CFAP65: variants seen among roughly 807,000 people sequenced by gnomAD.
CFAP65 encodes cilia and flagella associated protein 65.
CFAP65 carries 155 observed loss-of-function variants against 208.0 expected under a neutral mutation model. That is an observed-to-expected ratio of 0.75 (90% CI 0.65 to 0.85). CFAP65 has a LOEUF of 0.85. Ranked by LOEUF, CFAP65 falls within the 40% of genes least tolerant of loss-of-function variation. The pLI, the probability that CFAP65 is intolerant of heterozygous loss-of-function variation, is 0.00. For missense variants in CFAP65, 2,294 were observed against 2,451.3 expected (o/e 0.94, Z 1.36); for synonymous variants, 970 against 986.3 (o/e 0.98, Z 0.31).
At position 219,003,841 on chromosome 2, in the gene CFAP65, A is replaced by C. The variant is rs777575036; in HGVS notation, c.5555+111T>G. 56 of 1,337,894 alleles carry C rather than the reference A, an allele frequency of 4.2e-5. No individual in the cohort carries two copies. The highest frequency in any genetic ancestry group is 5.7e-5 in the Non-Finnish European group (55 of 969,438). The allele number at this position is 1,337,894 out of a possible 1,614,324, so 82.9% of individuals were successfully genotyped here. A position where few individuals can be genotyped will look rare whatever the true frequency, so the allele number is the denominator to read the frequency against. Reference sequence around the variant, plus strand: ...CCAACATGACCTCACTAAGCACTGAATTAGGATGAGATGTGCATACAGGCA... The same window carrying C: ...CCAACATGACCTCACTAAGCACTGACTTAGGATGAGATGTGCATACAGGCA... On this transcript the variant is annotated intron_variant, in intron 33 of 34. Coordinates refer to ENST00000341552, the MANE Select transcript of CFAP65 (RefSeq NM_194302.4). The surrounding 1 kb of genome is among the most constrained non-coding windows in gnomAD (Gnocchi z 4.4).
chr2:219,009,007 G>A (rs907861580), intron 29 of CFAP65, 40 bp downstream of exon 29: 15 of 1,551,470 alleles, frequency 9.7e-6, no homozygotes, highest in Non-Finnish European at 1.3e-5. Context: ...AGGCCAGTCA[G>A]AAAGATCTGG....
In CFAP65 at chr2:219,004,467, G is replaced by A. The variant is rs1028975122; in HGVS notation, c.5052-12C>T. On this transcript the variant is annotated splice_polypyrimidine_tract_variant and intron_variant, in intron 32 of 34. Transcript: ENST00000341552. This position sits in a 1 kb window ranked among gnomAD's most constrained non-coding sequence, Gnocchi z 4.7. ...CTTCCAGCAGGCCCCTAGGTGGCAG[G>A]GAGAAGGAGAAGGCCCTTGCTGAGG... 6 of 1,590,800 alleles carry A rather than the reference G, an allele frequency of 3.8e-6. No homozygotes were observed. The East Asian group carries it at 1.1e-4, about 30-fold the overall frequency.
rs781755160 is a variant in CFAP65, at chr2:219,019,668, A to T, written c.3311T>A (p.Val1104Glu). 6.2e-7 allele frequency: 1 copy of T among 1,613,680 alleles called. No individual in the cohort carries two copies. Among genetic ancestry groups the T allele is most frequent in the Non-Finnish European group, 8.5e-7 (1 of 1,180,026 alleles). Residue 1104 changes from valine to glutamate, a missense_variant, in exon 20 of 35, where the codon GTG becomes GAG. Physicochemically the swap from Val to Glu is moderately radical, Grantham distance 121 (BLOSUM62 -2). Transcript: ENST00000341552. ...ATCCAGGATGGAAAGCAAGGGGTACACGGCCACCAGGGAGACGCAGCACAG... is the reference window on the plus strand; with the variant it reads ...ATCCAGGATGGAAAGCAAGGGGTACTCGGCCACCAGGGAGACGCAGCACAG... The part of the protein sequence containing the change: ...QELCCVSLVA[V>E]YPLLSILDVS...
intron 14 of CFAP65, among the ~76,000 whole-genome samples, chr2:219,024,486 CAGG>C (rs1458302639): frequency 1.2e-4 from 1 of 8,292 alleles, no homozygotes; most frequent in African/African-American, 1.0e-3. Context: ...GGGGGGGGGG[CAGG>C]GGGGCGGGGG....
intron 2 of CFAP65, 136 bp downstream of exon 2, chr2:219,040,383 G>C (rs1948596861): frequency 1.5e-6 from 1 of 673,466 alleles, no homozygotes; most frequent in African/African-American, 1.8e-5. Flanking sequence ...GTTGACCCTG[G>C]TTTTCCTAGT....
At chr2:219,009,315 C>T (rs780082044) in intron 28 of CFAP65, 32 bp downstream of exon 28, 3 of 1,545,344 alleles carry the variant, frequency 1.9e-6, no homozygotes, top group Non-Finnish European at 2.7e-6. Context: ...GCCATGCCTC[C>T]ATCCCACTTT....
chr2:219,010,557 C>T lies in CFAP65; in HGVS notation c.4297G>A (p.Val1433Met). ...DNSSIHSRLV[V>M]PGQNVFLSQS... ...TCCCCTTTCCCCACCTGTCCAGGCA[C>T]CACCAGCCTAGAGTGTATGGAACTG... Residue 1433 changes from valine (V) to methionine (M), a missense_variant, in exon 26 of 35, where the codon GTG becomes ATG. By Grantham distance (21) the Val-to-Met change is conservative (BLOSUM62 1). Transcript: ENST00000341552. The T allele has an allele frequency of 6.2e-7, 1 of 1,609,948 alleles. No homozygotes were observed. Among genetic ancestry groups the T allele is most frequent in the East Asian group, 2.2e-5 (1 of 44,814 alleles).
chr2:219,023,753 C>T (rs923915366), intron 15 of CFAP65, among the ~76,000 whole-genome samples: 1 of 152,210 alleles, frequency 6.6e-6, no homozygotes, highest in Non-Finnish European at 1.5e-5. Context: ...TGTCTTTTGC[C>T]TCCCCCAGAT....
At position 219,029,999 on chromosome 2, in the gene CFAP65, A is replaced by T; in HGVS notation, c.1371T>A (p.Val457=). 6.2e-7 allele frequency: 1 copy of T among 1,613,932 alleles called. No individual in the cohort carries two copies. The highest frequency in any genetic ancestry group is 1.7e-5 in the Admixed American group (1 of 60,018). ...GGTCACCGGTACCTCTACAGAAACC[A>T]ACGACTTTAAGCAGGGTCTTGGAGG... is the stretch of plus-strand genomic sequence containing the variant. ...GCASKTLLKV[V]GFCRGPAVSL... The change falls in exon 10 of 35, where the codon GTT becomes GTA. Residue 457 remains valine, a synonymous_variant. Coordinates refer to ENST00000341552, the MANE Select transcript of CFAP65 (RefSeq NM_194302.4).
rs1945967487 is a variant in CFAP65 at position 219,006,227 on chromosome 2, TG to T, written c.4720-5del. The T allele has an allele frequency of 6.2e-7, 1 of 1,604,272 alleles. No homozygotes were observed. Among genetic ancestry groups the T allele is most frequent in the African/African-American group, 1.3e-5 (1 of 74,830 alleles). ...GGTTCTTGATGGGAGGCAGTGTCTTTGGGAAGGGAGGGACATGGATGACAAG... is the reference window on the plus strand; with the variant it reads ...GGTTCTTGATGGGAGGCAGTGTCTTTGGAAGGGAGGGACATGGATGACAAG... On this transcript the variant is annotated splice_polypyrimidine_tract_variant and splice_region_variant and intron_variant, in intron 30 of 34. Transcript: ENST00000341552.
chr2:219,028,448 G>A, intron 11 of CFAP65, 47 bp from the exon 12 acceptor site: 1 of 1,433,002 alleles, frequency 7.0e-7, no homozygotes, highest in Non-Finnish European at 9.8e-7. Flanking sequence ...GGGTGGTAGG[G>A]CAAGGGGGGT....
intron 24 of CFAP65, 79 bp downstream of exon 24, chr2:219,013,180 C>T: frequency 1.0e-6 from 1 of 993,096 alleles, no homozygotes; most frequent in Non-Finnish European, 1.6e-6. Context: ...GTCTTTGTCA[C>T]CCTCTCAAGG....
At position 219,004,830 on chromosome 2, in the gene CFAP65, CG is replaced by C. The variant is rs61376372; in HGVS notation, c.5052-376del. ...CCCCACTGTCCTGGGGTGGGGGGGCCGGGGGGGGGGACCGTGGTGGGATCTT... is the reference window on the plus strand; with the variant it reads ...CCCCACTGTCCTGGGGTGGGGGGGCCGGGGGGGGGACCGTGGTGGGATCTT... On this transcript the variant is annotated intron_variant, in intron 32 of 34. Coordinates refer to ENST00000341552, the MANE Select transcript of CFAP65 (RefSeq NM_194302.4). The surrounding 1 kb of genome is among the most constrained non-coding windows in gnomAD (Gnocchi z 4.7). 0.21 allele frequency among the ~76,000 whole-genome samples: 4,964 copies of C among 23,988 alleles called. 341 individuals carry two copies. Among genetic ancestry groups the C allele is most frequent in the African/African-American group, 0.33 (4,436 of 13,428 alleles). 15.7% of individuals were successfully genotyped at this position (23,988 alleles called of 152,430 possible). A position where few individuals can be genotyped will look rare whatever the true frequency, so the allele number is the denominator to read the frequency against.
At chr2:219,012,445 T>C (rs569772628) in intron 24 of CFAP65, among the ~76,000 whole-genome samples, 1 of 152,184 alleles carries the variant, frequency 6.6e-6, no homozygotes, top group Admixed American at 6.5e-5. Flanking sequence ...CGGGTGGGTA[T>C]GGAAGTGAAC....
Position 219,028,026 on chromosome 2 carries a change from AG to A in CFAP65, c.1852-18del, listed in dbSNP as rs770967794. 2 of 1,518,276 alleles carry A rather than the reference AG, an allele frequency of 1.3e-6. No individual in the cohort carries two copies. Among genetic ancestry groups the A allele is most frequent in the Admixed American group, 4.4e-5 (2 of 45,644 alleles). The allele number at this position is 1,518,276 out of a possible 1,614,324, so 94.1% of individuals were successfully genotyped here. On this transcript the variant is annotated intron_variant, in intron 12 of 34. Transcript: ENST00000341552. ...CTCCAGATCCTGCATGGGGAAAGAC[AG>A]GTGGATAGGGCTCAACTGCCATTCC...
At chr2:219,010,398 G>T in intron 26 of CFAP65, 148 bp downstream of exon 26, 1 of 816,190 alleles carries the variant, frequency 1.2e-6, no homozygotes, top group Non-Finnish European at 1.8e-6. Flanking sequence ...ATCTGGAGGA[G>T]GGTGAGTTCC....
intron 4 of CFAP65, among the ~76,000 whole-genome samples, chr2:219,036,313 T>A (rs561349451): frequency 6.6e-6 from 1 of 152,202 alleles, no homozygotes; most frequent in Non-Finnish European, 1.5e-5. Flanking sequence ...GGCTTATCCA[T>A]CACCCCTTTC....
In CFAP65 at chr2:219,006,505, C is replaced by T. The variant is rs757698574; in HGVS notation, c.4679G>A (p.Arg1560Lys). The T allele has an allele frequency of 2.7e-5, 43 of 1,613,478 alleles. No homozygotes were observed. Among genetic ancestry groups the T allele is most frequent in the African/African-American group, 4.0e-5 (3 of 74,926 alleles). Residue 1560 changes from arginine to lysine, a missense_variant, in exon 30 of 35, where the codon AGA becomes AAA. Arg to Lys is a conservative substitution (Grantham distance 26). Transcript: ENST00000341552. ...FTITDMKVKKRTCCTACEPAR... is the reference protein window; with the variant it reads ...FTITDMKVKKKTCCTACEPAR... ...AGGTTCACAGGCTGTGCAGCATGTT[C>T]TCTTCTGTGGAAAAAGAGAGATCCT...
chr2:219,022,102 C>CTCCCACCT, intron 17 of CFAP65, 69 bp downstream of exon 17: 1 of 1,514,666 alleles, frequency 6.6e-7, no homozygotes, highest in African/African-American at 1.4e-5. Flanking sequence ...GGGAGGTTCC[C>CTCCCACCT]TGGGGCCTTC....
Sources: allele counts gnomAD v4.1 joint callset (sites outside exome capture counted in the v4.1 genomes callset), GRCh38; gene constraint gnomAD v4.1.1; non-coding constraint Gnocchi (gnomAD v3.1); transcripts MANE v1.5; gene names NCBI Gene and HGNC (gene_info 2026-07-23, HGNC 2026-07-21).